Variants in XRCC6 observed in about 807,000 individuals in gnomAD.
The protein encoded by XRCC6 is X-ray repair cross complementing 6.
Under a neutral mutation model 65.7 loss-of-function variants are expected in XRCC6, and 5 were observed. The ratio of observed to expected loss-of-function variants is 0.08; its 90% confidence interval spans 0.04 to 0.16. The LOEUF is 0.16. Among genes scored for constraint, XRCC6 ranks in the 10% least tolerant of loss-of-function variants. XRCC6 has a pLI of 1.00. For missense variants in XRCC6, 447 were observed against 738.1 expected (o/e 0.61, Z 4.57); for synonymous variants, 270 against 270.6 (o/e 1.00, Z 0.02).
intron 3 of XRCC6, among the ~76,000 whole-genome samples, chr22:41,628,578 G>T (rs2067704666): frequency 6.6e-6 from 1 of 152,222 alleles, no homozygotes; most frequent in African/African-American, 2.4e-5. Flanking sequence ...GTGTGGAAAA[G>T]AGTGAGTGAT....
intron 9 of XRCC6, among the ~76,000 whole-genome samples, chr22:41,654,921 CA>C (rs1239549712): frequency 6.6e-6 from 1 of 152,218 alleles, no homozygotes; most frequent in Non-Finnish European, 1.5e-5. Flanking sequence ...TACCCATAGT[CA>C]ACCATGGTCC....
At chr22:41,649,974 C>T (rs1437889124) in intron 7 of XRCC6, among the ~76,000 whole-genome samples, 1 of 152,020 alleles carries the variant, frequency 6.6e-6, no homozygotes, top group Non-Finnish European at 1.5e-5. Flanking sequence ...TGCCGTGAGT[C>T]GAGATTGCGC....
chr22:41,662,619 TG>T (rs1306713660), intron 12 of XRCC6, among the ~76,000 whole-genome samples: 1 of 152,222 alleles, frequency 6.6e-6, no homozygotes, highest in Non-Finnish European at 1.5e-5. Flanking sequence ...GTGGATATGC[TG>T]CAGTGAACAT....
intron 6 of XRCC6, among the ~76,000 whole-genome samples, chr22:41,642,573 A>G (rs1279710847): frequency 1.3e-5 from 2 of 152,188 alleles, no homozygotes; most frequent in African/African-American, 2.4e-5. Flanking sequence ...GTGGTTCCAC[A>G]TACATTTTAG....
intron 6 of XRCC6, among the ~76,000 whole-genome samples, chr22:41,643,446 ATT>A (rs2067899156): frequency 6.6e-6 from 1 of 151,756 alleles, no homozygotes. Flanking sequence ...AAAGCTGTAA[ATT>A]TGTCTCTGAG....
chr22:41,639,260 T>C (rs1278660509), intron 6 of XRCC6, among the ~76,000 whole-genome samples: 1 of 151,850 alleles, frequency 6.6e-6, no homozygotes, highest in South Asian at 2.1e-4. Flanking sequence ...ATGATCATTG[T>C]TAAAATTGTG....
intron 3 of XRCC6, among the ~76,000 whole-genome samples, chr22:41,629,940 A>C (rs1417361191): frequency 1.4e-5 from 2 of 145,576 alleles, no homozygotes; most frequent in Non-Finnish European, 1.5e-5. Context: ...TGCTGGGATT[A>C]CAGGTGTGAG....
Position 41,636,089 on chromosome 22 carries a change from TATTA to T in XRCC6, c.196-20_196-17del. On this transcript the variant is annotated intron_variant, in intron 3 of 12. Transcript: ENST00000360079. ...GAGCTTCCATTTAGTGGTAAGTAAATATTAATTGAATTTTTTTTTTCAGTGTATC... is the reference window on the plus strand; with the variant it reads ...GAGCTTCCATTTAGTGGTAAGTAAATATTGAATTTTTTTTTTCAGTGTATC... 1 of 1,561,724 alleles carries T rather than the reference TATTA, an allele frequency of 6.4e-7. No individual in the cohort carries two copies. The highest frequency in any genetic ancestry group is 8.6e-7 in the Non-Finnish European group (1 of 1,162,948).
intron 6 of XRCC6, among the ~76,000 whole-genome samples, chr22:41,638,683 G>A (rs964755840): frequency 1.3e-5 from 2 of 148,614 alleles, no homozygotes; most frequent in East Asian, 2.0e-4. Flanking sequence ...TACTCAGGAG[G>A]CTGAGAATCG....
chr22:41,653,558 A>C lies in XRCC6; in HGVS notation c.1159A>C (p.Ile387Leu), dbSNP rs1370772338. Residue 387 changes from isoleucine to leucine, a missense_variant, in exon 9 of 13, where the codon ATC becomes CTC. Ile to Leu is a conservative substitution (Grantham distance 5, BLOSUM62 2). Coordinates refer to ENST00000360079, the MANE Select transcript of XRCC6 (RefSeq NM_001469.5). ...GSSTLFSALL[I>L]KCLEKEVAAL... ...CTCAACCCTGTTCAGTGCTCTGCTCATCAAGTGTCTGGAGAAGGAGGTTGC... is the reference window on the plus strand; with the variant it reads ...CTCAACCCTGTTCAGTGCTCTGCTCCTCAAGTGTCTGGAGAAGGAGGTTGC... The C allele has an allele frequency of 1.9e-6, 3 of 1,613,574 alleles. No individual in the cohort carries two copies. The highest frequency in any genetic ancestry group is 1.3e-5 in the African/African-American group (1 of 74,926).
chr22:41,630,565 C>G (rs1201003668), intron 3 of XRCC6, among the ~76,000 whole-genome samples: 2 of 147,240 alleles, frequency 1.4e-5, no homozygotes, highest in Non-Finnish European at 1.5e-5. Context: ...TTGGCAGGGT[C>G]ATAGGACAAT....
chr22:41,658,159 C>A, intron 10 of XRCC6, 93 bp from the exon 11 acceptor site: 1 of 1,292,524 alleles, frequency 7.7e-7, no homozygotes, highest in Non-Finnish European at 1.1e-6. Flanking sequence ...TCTCAGCTCA[C>A]CCCGGACCTG....
rs547956334 is a variant in XRCC6 at position 41,638,044 on chromosome 22, G to T, written c.773+253G>T. ...CAGAAGCAATACATTGCTCTGACCT[G>T]ACTGGCTACTTAACTCGACTATGCC... On this transcript the variant is annotated intron_variant, in intron 6 of 12. Coordinates refer to ENST00000360079, the MANE Select transcript of XRCC6 (RefSeq NM_001469.5). 2.6e-5 allele frequency among the ~76,000 whole-genome samples: 4 copies of T among 151,400 alleles called. No individual in the cohort carries two copies. The South Asian group carries it at 8.4e-4, about 32-fold the overall frequency.
At chr22:41,632,701 T>C (rs896793193) in intron 3 of XRCC6, among the ~76,000 whole-genome samples, 7 of 151,588 alleles carry the variant, frequency 4.6e-5, no homozygotes, top group Admixed American at 3.3e-4. Flanking sequence ...TGTGCACTTG[T>C]AGTCCCAGCT....
intron 1 of XRCC6, 152 bp from the exon 2 acceptor site, chr22:41,621,838 A>G (rs1282024535): frequency 7.6e-6 from 5 of 662,056 alleles, no homozygotes; most frequent in Non-Finnish European, 1.3e-5. Flanking sequence ...ATTTACATGC[A>G]GTCCGACTGC....
intron 2 of XRCC6, among the ~76,000 whole-genome samples, chr22:41,626,763 G>A (rs918633129): frequency 1.3e-5 from 2 of 151,054 alleles, no homozygotes; most frequent in African/African-American, 2.4e-5. Context: ...TCAGCCTCCC[G>A]AGTAGCTGGG....
intron 6 of XRCC6, among the ~76,000 whole-genome samples, chr22:41,643,059 T>A (rs2067894760): frequency 6.6e-6 from 1 of 152,252 alleles, no homozygotes; most frequent in South Asian, 2.1e-4. Context: ...CTTTAAATAC[T>A]GCTAGGTGTT....
chr22:41,642,862 G>T (rs1290236992), intron 6 of XRCC6, among the ~76,000 whole-genome samples: 1 of 152,176 alleles, frequency 6.6e-6, no homozygotes, highest in African/African-American at 2.4e-5. Flanking sequence ...TGTTAGTAAT[G>T]CATCTGTTAC....
Position 41,646,780 on chromosome 22 carries a change from AGCTT to A in XRCC6, c.774-111_774-108del, listed in dbSNP as rs570112535. On this transcript the variant is annotated intron_variant, in intron 6 of 12. Transcript: ENST00000360079. Reference sequence around the variant, plus strand: ...TTAAAAAGCATATTTATATTTTGAGAGCTTGCTTAGGATTATTGGAGAGAATAAA... The same window carrying A: ...TTAAAAAGCATATTTATATTTTGAGAGCTTAGGATTATTGGAGAGAATAAA... 5.2e-4 allele frequency: 451 copies of A among 867,016 alleles called. 1 individual carries two copies. The Middle Eastern group carries it at 6.4e-3, about 12-fold the overall frequency. 53.7% of individuals were successfully genotyped at this position (867,016 alleles called of 1,614,324 possible).
Sources: allele counts gnomAD v4.1 joint callset (sites outside exome capture counted in the v4.1 genomes callset), GRCh38; gene constraint gnomAD v4.1.1; transcripts MANE v1.5; gene names NCBI Gene and HGNC (gene_info 2026-07-23, HGNC 2026-07-21).